The following PRPSAP1 variants were observed in gnomAD, a reference collection of about 807,000 sequenced individuals.
PRPSAP1 encodes phosphoribosyl pyrophosphate synthetase associated protein 1.
PRPSAP1 carries 31 observed loss-of-function variants against 39.4 expected under a neutral mutation model. The ratio of observed to expected loss-of-function variants is 0.79; its 90% CI spans 0.59 to 1.06. The LOEUF (loss-of-function observed/expected upper bound fraction) is 1.06, where lower values mean the gene tolerates loss of function less well. Ranked by LOEUF, PRPSAP1 falls within the 50% of genes least tolerant of loss-of-function variation. The pLI, the probability that PRPSAP1 is intolerant of heterozygous loss-of-function variation, is 0.00. For missense variants in PRPSAP1, 430 were observed against 511.6 expected (o/e 0.84, Z 1.54); for synonymous variants, 212 against 192.6 (o/e 1.10, Z -0.83).
At chr17:76,323,341 C>CA (rs897060063) in intron 7 of PRPSAP1, among the ~76,000 whole-genome samples, 2,173 of 132,318 alleles carry the variant, frequency 0.016, 52 homozygotes, top group African/African-American at 0.049. Context: ...GACTCTGTAT[C>CA]AAAAAAAAAA....
intron 2 of PRPSAP1, chr17:76,345,769 G>A: frequency 3.6e-6 from 1 of 281,076 alleles, no homozygotes; most frequent in Non-Finnish European, 7.0e-6. Context: ...ACCCCCGACT[G>A]AGCGCAGTCC....
At chr17:76,347,027 T>C (rs919846758) in intron 2 of PRPSAP1, among the ~76,000 whole-genome samples, 1 of 151,714 alleles carries the variant, frequency 6.6e-6, no homozygotes, top group Non-Finnish European at 1.5e-5. Flanking sequence ...CCGGGCCCAA[T>C]ATGCCAGAGA....
rs748332694 is a variant in PRPSAP1, at chr17:76,353,672, G to A, written c.32C>T (p.Pro11Leu). 12 of 1,519,614 alleles carry A rather than the reference G, an allele frequency of 7.9e-6. No individual in the cohort carries two copies. Among genetic ancestry groups the A allele is most frequent in the East Asian group, 5.3e-5 (2 of 38,014 alleles). The allele number at this position is 1,519,614 out of a possible 1,614,324, so 94.1% of individuals were successfully genotyped here. A position where few individuals can be genotyped will look rare whatever the true frequency, so the allele number is the denominator to read the frequency against. The change falls in exon 1 of 10, where the codon CCC becomes CTC. Residue 11 changes from proline to leucine, a missense_variant. By Grantham distance (98) the Pro-to-Leu change is moderately conservative. Around this residue, in one of 2 missense-constraint regions of PRPSAP1, gnomAD observed 152 missense variants for 135.2 expected, o/e 1.12. Coordinates refer to ENST00000446526, the MANE Select transcript of PRPSAP1 (RefSeq NM_002766.3). ...GACGCGGAAAGCCGAGGACGCGGAG[G>A]GCGGGGGCAACAGCAGCAGCTTCTT... MPKKLLLLPPPSASSAFRVPR... is the reference protein window; with the variant it reads MPKKLLLLPPLSASSAFRVPR...
chr17:76,333,590 A>G (rs2071348158), intron 3 of PRPSAP1, among the ~76,000 whole-genome samples: 1 of 151,940 alleles, frequency 6.6e-6, no homozygotes, highest in Non-Finnish European at 1.5e-5. Context: ...GGTTGCAGTG[A>G]GCCGAGATCA....
chr17:76,313,797 C>T, intron 8 of PRPSAP1, 24 bp downstream of exon 8: 1 of 1,613,842 alleles, frequency 6.2e-7, no homozygotes, highest in Non-Finnish European at 8.5e-7. Flanking sequence ...GCCACCTCTG[C>T]ACATGGATGA....
upstream of PRPSAP1, chr17:76,354,174 C>T (rs1381678691): frequency 2.0e-6 from 2 of 988,944 alleles, no homozygotes; most frequent in East Asian, 1.1e-4. Context: ...ATGTCCGCCT[C>T]CGAGGAGGTA....
At chr17:76,339,663 T>A (rs2071415026) in intron 3 of PRPSAP1, among the ~76,000 whole-genome samples, 1 of 151,704 alleles carries the variant, frequency 6.6e-6, no homozygotes. Context: ...CTTCACCATC[T>A]TCAGGAGAGG....
intron 7 of PRPSAP1, among the ~76,000 whole-genome samples, chr17:76,319,824 A>G (rs1352618483): frequency 6.6e-6 from 1 of 152,190 alleles, no homozygotes; most frequent in Non-Finnish European, 1.5e-5. Flanking sequence ...GAAATGGCCA[A>G]GTACAGTGCT....
chr17:76,334,001 G>A (rs539069862), intron 3 of PRPSAP1, among the ~76,000 whole-genome samples: 3 of 152,278 alleles, frequency 2.0e-5, no homozygotes, highest in East Asian at 3.9e-4. Context: ...TGATGCTCCC[G>A]CCTCAGCCTA....
chr17:76,323,448 T>C (rs988693444), intron 7 of PRPSAP1, among the ~76,000 whole-genome samples: 71 of 152,000 alleles, frequency 4.7e-4, no homozygotes, highest in Admixed American at 4.2e-3. Context: ...TGCACCATTC[T>C]AGATGCCATG....
chr17:76,342,848 C>G (rs1254676086), intron 3 of PRPSAP1, among the ~76,000 whole-genome samples: 1 of 151,982 alleles, frequency 6.6e-6, no homozygotes, highest in Non-Finnish European at 1.5e-5. Flanking sequence ...GAGGCTGAGG[C>G]AGGCGGATCA....
In PRPSAP1 at chr17:76,312,903, G is replaced by A. The variant is rs2071083681; in HGVS notation, c.966C>T (p.Ala322=). The A allele has an allele frequency of 6.2e-7, 1 of 1,614,040 alleles. No individual in the cohort carries two copies. Among genetic ancestry groups the A allele is most frequent in the Non-Finnish European group, 8.5e-7 (1 of 1,179,994 alleles). The change falls in exon 9 of 10, where the codon GCC becomes GCT. Residue 322 remains alanine (A), a synonymous_variant. Coordinates refer to ENST00000446526, the MANE Select transcript of PRPSAP1 (RefSeq NM_002766.3). ...CGGAGGACTCCTCAATCAGGCGAGG[G>A]GCCTCTGCAGACAGGATGCCGTGGG... The part of the protein sequence containing the change: ...MATHGILSAE[A]PRLIEESSVD...
Position 76,332,453 on chromosome 17 carries a change from T to C in PRPSAP1, c.291-18A>G. On this transcript the variant is annotated intron_variant, in intron 3 of 9. Transcript: ENST00000446526. ...TCACATCTCTGAAACAGTCAAAGTT[T>C]GTATTTGGGGATTAATTCCATGTAT... 1.9e-6 allele frequency: 3 copies of C among 1,612,594 alleles called. No homozygotes were observed. The highest frequency in any genetic ancestry group is 2.5e-6 in the Non-Finnish European group (3 of 1,178,804).
chr17:76,330,282 G>T, intron 5 of PRPSAP1, 184 bp from the exon 6 acceptor site: 1 of 594,388 alleles, frequency 1.7e-6, no homozygotes, highest in Non-Finnish European at 2.9e-6. Context: ...GCACTCCTAC[G>T]TCAAGAATTT....
intron 1 of PRPSAP1, among the ~76,000 whole-genome samples, chr17:76,352,336 A>G (rs550757308): frequency 3.9e-5 from 6 of 152,338 alleles, no homozygotes; most frequent in Admixed American, 3.3e-4. Context: ...GGATTCTCCA[A>G]AAGAGCCAAC....
In PRPSAP1 at chr17:76,316,800, T is replaced by C. The variant is rs59284606; in HGVS notation, c.782-2909A>G. Among the ~76,000 whole-genome samples the C allele has an allele frequency of 1.5e-3, 221 of 152,318 alleles. 1 individual carries two copies. The highest frequency in any genetic ancestry group is 5.0e-3 in the African/African-American group (206 of 41,578). ...ATGCTCTTATGAAGGATGTAGGAAG[T>C]TGTCTTTTGCTTTTAAAGGTAGCCT... On this transcript the variant is annotated intron_variant, in intron 7 of 9. Coordinates refer to ENST00000446526, the MANE Select transcript of PRPSAP1 (RefSeq NM_002766.3).
chr17:76,343,502 TG>T (rs1471707159), intron 3 of PRPSAP1, among the ~76,000 whole-genome samples: 2 of 152,216 alleles, frequency 1.3e-5, no homozygotes, highest in African/African-American at 4.8e-5. Context: ...GACACTGGCC[TG>T]GGGTCAGTGC....
At chr17:76,351,080 T>C (rs2071563403) in intron 1 of PRPSAP1, among the ~76,000 whole-genome samples, 1 of 152,070 alleles carries the variant, frequency 6.6e-6, no homozygotes, top group African/African-American at 2.4e-5. Flanking sequence ...AAACTTTATG[T>C]TATGTATATA....
chr17:76,317,052 T>C (rs2071132266), intron 7 of PRPSAP1, among the ~76,000 whole-genome samples: 1 of 152,224 alleles, frequency 6.6e-6, no homozygotes, highest in Non-Finnish European at 1.5e-5. Context: ...TCAAACCATA[T>C]CAACAAACTG....
Sources: gnomAD v4.1 joint callset for allele counts (sites outside exome capture counted in the v4.1 genomes callset) on GRCh38, gnomAD v4.1.1 for gene constraint, gnomAD v4.1.1 regional missense constraint, MANE v1.5 for transcripts, NCBI Gene and HGNC (gene_info 2026-07-23, HGNC 2026-07-21) for gene names.